The following SHROOM3 variants were observed in gnomAD, a reference collection of about 807,000 sequenced individuals.
SHROOM3 encodes shroom family member 3.
In SHROOM3, 47 loss-of-function variants were observed where a neutral mutation model predicts 138.6. That is an observed-to-expected ratio of 0.34 (90% CI 0.27 to 0.43). The LOEUF (loss-of-function observed/expected upper bound fraction) is 0.43, where lower values mean the gene tolerates loss of function less well. Among genes scored for constraint, SHROOM3 ranks in the 20% least tolerant of loss-of-function variants. The pLI is 1.00. For synonymous variants in SHROOM3, 1,062 were observed against 1,063.3 expected, an observed-to-expected ratio of 1.00 and a Z score of 0.02; for missense variants, 2,491 against 2,596.5, an observed-to-expected ratio of 0.96 and a Z score of 0.88.
Position 76,448,173 on chromosome 4 carries a change from TGAGGAAA to T in SHROOM3, c.168+11958_168+11964del, listed in dbSNP as rs1488205284. Among the ~76,000 whole-genome samples, 3 of 152,316 alleles carry T rather than the reference TGAGGAAA, an allele frequency of 2.0e-5. No homozygotes were observed. In the East Asian group the frequency reaches 5.8e-4, roughly 29 times the overall value. ...GTGGAATGAGATTTGTTTTTATATA[TGAGGAAA>T]GAGGTTTTTCATAAAAGATGGAGCC... On this transcript the variant is annotated intron_variant, in intron 1 of 10. Transcript: ENST00000296043.
At chr4:76,475,461 T>C (rs1354187350) in intron 1 of SHROOM3, among the ~76,000 whole-genome samples, 1 of 152,234 alleles carries the variant, frequency 6.6e-6, no homozygotes, top group Non-Finnish European at 1.5e-5. Context: ...ACAAGACTTT[T>C]GGGTCAGAGA....
At chr4:76,439,034 C>T (rs1285184885) in intron 1 of SHROOM3, among the ~76,000 whole-genome samples, 1 of 152,200 alleles carries the variant, frequency 6.6e-6, no homozygotes, top group Non-Finnish European at 1.5e-5. Context: ...ACACAACTTA[C>T]AGTTCTGTAG....
chr4:76,552,149 A>C (rs2110027285), intron 1 of SHROOM3, among the ~76,000 whole-genome samples: 1 of 151,020 alleles, frequency 6.6e-6, no homozygotes, highest in Admixed American at 6.6e-5. Flanking sequence ...GGCATGAGCC[A>C]CTGCGCCTGG....
chr4:76,510,028 C>T (rs1284680487), intron 1 of SHROOM3, among the ~76,000 whole-genome samples: 1 of 152,042 alleles, frequency 6.6e-6, no homozygotes, highest in Non-Finnish European at 1.5e-5. Flanking sequence ...CTTCCATATA[C>T]TATTGGTGGG....
chr4:76,576,185 G>C (rs1388324885), intron 2 of SHROOM3, among the ~76,000 whole-genome samples: 2 of 152,174 alleles, frequency 1.3e-5, no homozygotes. Context: ...ACCTCTAAGA[G>C]GTATCTGGAC....
At chr4:76,462,617 G>T (rs936581938) in intron 1 of SHROOM3, among the ~76,000 whole-genome samples, 1 of 152,080 alleles carries the variant, frequency 6.6e-6, no homozygotes, top group African/African-American at 2.4e-5. Context: ...GATAGTGAGT[G>T]AGTGCTCATG....
chr4:76,517,740 G>GT (rs1732472873), intron 1 of SHROOM3, among the ~76,000 whole-genome samples: 1 of 152,084 alleles, frequency 6.6e-6, no homozygotes, highest in Non-Finnish European at 1.5e-5. Context: ...GAGGGCCTGT[G>GT]TATGCTAGCA....
chr4:76,503,813 T>C (rs752486834), intron 1 of SHROOM3, among the ~76,000 whole-genome samples: 15 of 152,266 alleles, frequency 9.9e-5, no homozygotes, highest in Non-Finnish European at 1.5e-4. Flanking sequence ...ATTTGGTAGA[T>C]ATCCTTTATT....
intron 3 of SHROOM3, among the ~76,000 whole-genome samples, chr4:76,727,887 C>CAAAAAAAAAAAGAAAAAA (rs71212446): frequency 1.0e-5 from 1 of 96,254 alleles, no homozygotes; most frequent in Non-Finnish European, 2.2e-5. Flanking sequence ...GACTCCATCT[C>CAAAAAAAAAAAGAAAAAA]AAAAAAAAAG....
At chr4:76,551,997 G>A (rs1426155423) in intron 1 of SHROOM3, among the ~76,000 whole-genome samples, 1 of 147,122 alleles carries the variant, frequency 6.8e-6, no homozygotes, top group Admixed American at 6.7e-5. Context: ...GAGTAGCTGG[G>A]ACTACAGGCG....
intron 1 of SHROOM3, among the ~76,000 whole-genome samples, chr4:76,457,068 A>G (rs183425149): frequency 6.6e-6 from 1 of 152,330 alleles, no homozygotes; most frequent in Admixed American, 6.5e-5. Flanking sequence ...CAGGTACTTC[A>G]GGCCATCTGG....
intron 2 of SHROOM3, among the ~76,000 whole-genome samples, chr4:76,584,288 A>G (rs1280436694): frequency 6.6e-6 from 1 of 152,124 alleles, no homozygotes; most frequent in African/African-American, 2.4e-5. Flanking sequence ...ACTGCACTCC[A>G]GCCTGGCGAC....
At chr4:76,621,961 T>A (rs1735016869) in intron 2 of SHROOM3, among the ~76,000 whole-genome samples, 1 of 151,576 alleles carries the variant, frequency 6.6e-6, no homozygotes, top group South Asian at 2.1e-4. Flanking sequence ...TTCCCAAGTA[T>A]CTGGGATTAC....
intron 1 of SHROOM3, among the ~76,000 whole-genome samples, chr4:76,534,717 A>G (rs1732912944): frequency 1.3e-5 from 2 of 152,016 alleles, no homozygotes; most frequent in African/African-American, 4.8e-5. Flanking sequence ...GAGAAATGCA[A>G]TCTCTGATGG....
chr4:76,555,130 G>A (rs1733456715), intron 1 of SHROOM3, among the ~76,000 whole-genome samples: 1 of 151,900 alleles, frequency 6.6e-6, no homozygotes, highest in African/African-American at 2.4e-5. Flanking sequence ...AAATAATAAA[G>A]TGCACAATAA....
At chr4:76,522,164 TA>T (rs71212429) in intron 1 of SHROOM3, among the ~76,000 whole-genome samples, 123 of 147,970 alleles carry the variant, frequency 8.3e-4, no homozygotes, top group East Asian at 2.2e-3. Flanking sequence ...TTTTTTTTTT[TA>T]AATGTCATTA....
Position 76,736,970 on chromosome 4 carries a change from T to C in SHROOM3, c.588-1791T>C, listed in dbSNP as rs190247734. On this transcript the variant is annotated intron_variant, in intron 4 of 10. Transcript: ENST00000296043. Reference sequence around the variant, plus strand: ...AGTTTATATTAGGGTTCACTGTTGCTGTTGTGCATTTTGTAGGTTTGGACA... The same window carrying C: ...AGTTTATATTAGGGTTCACTGTTGCCGTTGTGCATTTTGTAGGTTTGGACA... Among the ~76,000 whole-genome samples, 498 of 152,352 alleles carry C rather than the reference T, an allele frequency of 3.3e-3. 3 individuals are homozygous for C. Among genetic ancestry groups the C allele is most frequent in the Non-Finnish European group, 5.5e-3 (376 of 68,040 alleles).
chr4:76,702,547 C>T (rs1207014717), intron 2 of SHROOM3, among the ~76,000 whole-genome samples: 3 of 152,206 alleles, frequency 2.0e-5, no homozygotes, highest in Non-Finnish European at 4.4e-5. Context: ...GGTTAAGTGA[C>T]CTGCTCAAAC....
intron 2 of SHROOM3, among the ~76,000 whole-genome samples, chr4:76,567,044 C>A (rs1733739551): frequency 6.6e-6 from 1 of 152,206 alleles, no homozygotes; most frequent in Non-Finnish European, 1.5e-5. Flanking sequence ...TTTGTCAGTG[C>A]ATTTGAAAAA....
Sources: gnomAD v4.1 joint callset for allele counts (sites outside exome capture counted in the v4.1 genomes callset) on GRCh38, gnomAD v4.1.1 for gene constraint, MANE v1.5 for transcripts, NCBI Gene and HGNC (gene_info 2026-07-23, HGNC 2026-07-21) for gene names.